The following LUZP2 variants were observed in gnomAD, a reference collection of about 807,000 sequenced individuals.
LUZP2 encodes leucine zipper protein 2.
A neutral mutation model predicts 51.6 loss-of-function variants in LUZP2; 52 were observed. The ratio of observed to expected loss-of-function variants is 1.01; its 90% CI spans 0.81 to 1.27. LUZP2 has a LOEUF of 1.27. Among genes scored for constraint, LUZP2 ranks in the 50% most tolerant of loss-of-function variants. The pLI is 0.00. For missense variants in LUZP2, 436 were observed against 395.4 expected (o/e 1.10, Z -0.87); for synonymous variants, 154 against 137.3 (o/e 1.12, Z -0.85).
At chr11:24,570,479 A>G (rs1032251470) in intron 1 of LUZP2, among the ~76,000 whole-genome samples, 5 of 152,052 alleles carry the variant, frequency 3.3e-5, no homozygotes, top group African/African-American at 1.2e-4. Flanking sequence ...TTATGGTAAA[A>G]TAGCTTGTAC....
chr11:24,561,974 A>G (rs545156471), intron 1 of LUZP2, among the ~76,000 whole-genome samples: 44 of 152,184 alleles, frequency 2.9e-4, no homozygotes, highest in Non-Finnish European at 5.3e-4. Context: ...GCAAGAAAGT[A>G]GATGTTTTTT....
intron 1 of LUZP2, among the ~76,000 whole-genome samples, chr11:24,643,401 G>T (rs1855368142): frequency 6.6e-6 from 1 of 152,046 alleles, no homozygotes; most frequent in African/African-American, 2.4e-5. Context: ...ATTGAGACTG[G>T]AGAAAGCAAA....
At chr11:24,997,602 G>C (rs1196928074) in intron 9 of LUZP2, among the ~76,000 whole-genome samples, 2 of 151,906 alleles carry the variant, frequency 1.3e-5, no homozygotes, top group Non-Finnish European at 2.9e-5. Context: ...TTCTTTTGCT[G>C]TGCAGAAGCT....
intron 7 of LUZP2, among the ~76,000 whole-genome samples, chr11:24,936,275 A>T (rs1854583608): frequency 6.6e-6 from 1 of 152,204 alleles, no homozygotes; most frequent in Admixed American, 6.5e-5. Context: ...CTACCAATTA[A>T]ATCATTATAC....
intron 7 of LUZP2, among the ~76,000 whole-genome samples, chr11:24,919,722 A>T (rs1000016241): frequency 1.3e-5 from 2 of 150,030 alleles, no homozygotes; most frequent in African/African-American, 4.9e-5. Flanking sequence ...CTTATTTTTA[A>T]CTTGAGTTAT....
intron 1 of LUZP2, among the ~76,000 whole-genome samples, chr11:24,598,183 G>A (rs1238031313): frequency 6.6e-6 from 1 of 151,714 alleles, no homozygotes; most frequent in Non-Finnish European, 1.5e-5. Flanking sequence ...ATTGTGCCCT[G>A]TAGATGACAG....
chr11:25,008,810 C>T (rs1856905791), intron 9 of LUZP2, among the ~76,000 whole-genome samples: 1 of 152,030 alleles, frequency 6.6e-6, no homozygotes, highest in South Asian at 2.1e-4. Flanking sequence ...TGACTGAGTC[C>T]AGGGTATATA....
chr11:24,628,846 C>T (rs1008558052), intron 1 of LUZP2, among the ~76,000 whole-genome samples: 20 of 152,012 alleles, frequency 1.3e-4, no homozygotes, highest in African/African-American at 4.8e-4. Flanking sequence ...GGCATGAGGC[C>T]TCTTGCCCGG....
intron 1 of LUZP2, among the ~76,000 whole-genome samples, chr11:24,509,279 G>T (rs75745973): frequency 1.5e-3 from 235 of 152,074 alleles, no homozygotes; most frequent in Non-Finnish European, 1.9e-3. Flanking sequence ...TTAGAAAGTC[G>T]TTTGGCTGGA....
At chr11:24,865,744 G>A (rs34737684) in intron 5 of LUZP2, among the ~76,000 whole-genome samples, 148,048 of 150,342 alleles carry the variant, frequency 0.98, 72,895 homozygotes, top group Non-Finnish European at 1. Flanking sequence ...GTGTGTGTGT[G>A]TATATATATT....
intron 5 of LUZP2, among the ~76,000 whole-genome samples, chr11:24,811,605 T>C (rs915129904): frequency 1.3e-5 from 2 of 152,030 alleles, no homozygotes; most frequent in African/African-American, 4.8e-5. Flanking sequence ...GCTGAGGTAA[T>C]AAACATAGTA....
chr11:25,078,422 C>T, intron 11 of LUZP2, 132 bp from the exon 12 acceptor site: 3 of 642,590 alleles, frequency 4.7e-6, no homozygotes, highest in South Asian at 2.1e-5. Flanking sequence ...CATTTCTGTC[C>T]TGTGTTCATT....
At chr11:24,643,714 G>A (rs992021962) in intron 1 of LUZP2, among the ~76,000 whole-genome samples, 23 of 151,994 alleles carry the variant, frequency 1.5e-4, no homozygotes, top group African/African-American at 4.6e-4. Flanking sequence ...TAGTTGCATC[G>A]TCTTTAATTC....
At chr11:24,724,923 G>A (rs755906589) in intron 1 of LUZP2, among the ~76,000 whole-genome samples, 12 of 152,198 alleles carry the variant, frequency 7.9e-5, no homozygotes, top group East Asian at 3.9e-4. Flanking sequence ...GTAGCAATAA[G>A]TCTAACAAAA....
At chr11:24,610,129 A>C (rs1854071146) in intron 1 of LUZP2, among the ~76,000 whole-genome samples, 1 of 152,214 alleles carries the variant, frequency 6.6e-6, no homozygotes, top group Non-Finnish European at 1.5e-5. Flanking sequence ...GTCTGCACTG[A>C]CTGAAGAATG....
intron 1 of LUZP2, among the ~76,000 whole-genome samples, chr11:24,635,421 A>AGTGTGTGT (rs3078023): frequency 1.4e-3 from 209 of 150,292 alleles, no homozygotes; most frequent in East Asian, 7.3e-3. Context: ...ATCAGAAAAG[A>AGTGTGTGT]GTGTGTGTGT....
intron 7 of LUZP2, among the ~76,000 whole-genome samples, chr11:24,934,692 G>T (rs1854543474): frequency 6.6e-6 from 1 of 152,024 alleles, no homozygotes; most frequent in Non-Finnish European, 1.5e-5. Flanking sequence ...TTAAAATTAT[G>T]AATATATTTG....
chr11:24,647,833 T>C (rs1293204708), intron 1 of LUZP2, among the ~76,000 whole-genome samples: 1 of 151,932 alleles, frequency 6.6e-6, no homozygotes, highest in Admixed American at 6.6e-5. Context: ...AATAACTATA[T>C]CTATTTTAAT....
rs1854128106 is a variant in LUZP2, at chr11:24,611,648, C to A, written c.62+114343C>A. Among the ~76,000 whole-genome samples the A allele has an allele frequency of 6.6e-6, 1 of 152,110 alleles. No homozygotes were observed. ...CTTCATCATAATCATTCATCGTCAT[C>A]ATCATCATCATCCCTGGCGTTTATT... On this transcript the variant is annotated intron_variant, in intron 1 of 11. Transcript: ENST00000336930. This position sits in a 1 kb window ranked among gnomAD's most constrained non-coding sequence, Gnocchi z 4.6.
Sources: gnomAD v4.1 joint callset for allele counts (sites outside exome capture counted in the v4.1 genomes callset) on GRCh38, gnomAD v4.1.1 for gene constraint, Gnocchi (gnomAD v3.1) non-coding constraint, MANE v1.5 for transcripts, NCBI Gene and HGNC (gene_info 2026-07-23, HGNC 2026-07-21) for gene names.